The following MED16 variants were observed in gnomAD, a reference collection of about 807,000 sequenced individuals.
MED16 encodes the protein mediator complex subunit 16.
Under a neutral mutation model 84.4 loss-of-function variants are expected in MED16, and 81 were observed. The observed-to-expected ratio is 0.96, with a 90% CI of 0.80 to 1.15. MED16 has a LOEUF of 1.15. Among genes scored for constraint, MED16 ranks in the 50% most tolerant of loss-of-function variants. MED16 has a pLI of 0.00. For missense variants in MED16, 1,585 were observed against 1,245.9 expected, an observed-to-expected ratio of 1.27 and a Z score of -4.10; for synonymous variants, 897 against 552.2, an observed-to-expected ratio of 1.62 and a Z score of -8.76.
intron 11 of MED16, among the ~76,000 whole-genome samples, chr19:872,348 G>A (rs892291950): frequency 1.3e-5 from 2 of 152,022 alleles, no homozygotes; most frequent in Non-Finnish European, 1.5e-5. Flanking sequence ...TCCCATCCCT[G>A]AGAGTCCACA....
At chr19:870,126 G>A (rs2036010566) in intron 13 of MED16, among the ~76,000 whole-genome samples, 1 of 152,190 alleles carries the variant, frequency 6.6e-6, no homozygotes, top group African/African-American at 2.4e-5. Flanking sequence ...CTGCTCAGCA[G>A]GGCCCTGGGC....
At chr19:871,346 A>G in intron 12 of MED16, 93 bp from the exon 13 acceptor site, 1 of 1,394,110 alleles carries the variant, frequency 7.2e-7, no homozygotes, top group Non-Finnish European at 9.6e-7. Flanking sequence ...GTTCAGGAGC[A>G]CCAGGTCAGG....
rs376567444 is a variant in MED16 at position 877,027 on chromosome 19, G to C, written c.1507C>G (p.Leu503Val). Residue 503 changes from leucine (L) to valine (V), a missense_variant, in exon 9 of 16, where the codon CTG (leucine) becomes GTG (valine). Leu to Val is a conservative substitution (Grantham distance 32). Coordinates refer to ENST00000325464, the MANE Select transcript of MED16 (RefSeq NM_005481.3). ...TACTCCTCGTGCAGCTTCTCCACCAGGCTCTGTACCATACTGGGCTGCACG... is the reference window on the plus strand; with the variant it reads ...TACTCCTCGTGCAGCTTCTCCACCACGCTCTGTACCATACTGGGCTGCACG... The part of the protein sequence containing the change: ...LHVQPSMVQS[L>V]VEKLHEEYTR... The C allele has an allele frequency of 1.2e-6, 2 of 1,612,370 alleles. No homozygotes were observed. Among genetic ancestry groups the C allele is most frequent in the African/African-American group, 2.7e-5 (2 of 74,854 alleles).
intron 5 of MED16, 134 bp downstream of exon 5, chr19:885,636 C>G: frequency 9.3e-7 from 1 of 1,078,810 alleles, no homozygotes; most frequent in East Asian, 2.6e-5. Context: ...CCCTGGAGCC[C>G]CCGGGAGGGA....
chr19:888,919 G>C (rs1015765401), intron 4 of MED16, among the ~76,000 whole-genome samples: 55 of 152,144 alleles, frequency 3.6e-4, no homozygotes, highest in African/African-American at 9.7e-5. Flanking sequence ...ACGAAGCTGG[G>C]GTGGCTGTGA....
rs1461067221 is a variant in MED16, at chr19:891,209, T to C, written c.-18-60A>G. ...GGCTGAGCACCCAGGGCATGTGGAG[T>C]GCCAGGCCAGAAGTGGGAAAACAAT... On this transcript the variant is annotated intron_variant, in intron 1 of 15. Transcript: ENST00000325464. 5 of 1,503,216 alleles carry C rather than the reference T, an allele frequency of 3.3e-6. No homozygotes were observed. In the Admixed American group the frequency reaches 5.8e-5, roughly 18 times the overall value. 93.1% of individuals were successfully genotyped at this position (1,503,216 alleles called of 1,614,324 possible).
At chr19:876,849 CCCACCTGGCACGGGA>C (rs1393582660) in intron 9 of MED16, 110 bp downstream of exon 9, 47 of 891,582 alleles carry the variant, frequency 5.3e-5, no homozygotes, top group African/African-American at 3.6e-4. Flanking sequence ...CAGGGACAGC[CCCACCTGGCACGGGA>C]CCACCTGCCA....
At chr19:878,556 AGCCC>A (rs2036324994) in intron 8 of MED16, among the ~76,000 whole-genome samples, 1 of 11,622 alleles carries the variant, frequency 8.6e-5, no homozygotes, top group African/African-American at 3.8e-4. Context: ...AATGCCCACC[AGCCC>A]CAGCCCCAGC....
chr19:885,747 C>A (rs758701379), intron 5 of MED16, 23 bp downstream of exon 5: 3 of 1,596,368 alleles, frequency 1.9e-6, no homozygotes, highest in South Asian at 1.1e-5. Context: ...TGCCAGCCCA[C>A]GTGATGGCCT....
chr19:887,673 A>T (rs780449574), intron 4 of MED16, among the ~76,000 whole-genome samples: 9 of 152,016 alleles, frequency 5.9e-5, no homozygotes, highest in Non-Finnish European at 1.2e-4. Flanking sequence ...CTCAAAAAAA[A>T]TGTATTTGGT....
At chr19:890,920 C>T (rs759713678) in intron 2 of MED16, 43 bp downstream of exon 2, 2 of 1,597,908 alleles carry the variant, frequency 1.3e-6, no homozygotes, top group South Asian at 2.2e-5. Context: ...CAGGGCGGGA[C>T]ACCATGCGGC....
Position 881,709 on chromosome 19 carries a change from C to A in MED16, c.991G>T (p.Asp331Tyr), listed in dbSNP as rs1203646192. 1 of 1,608,278 alleles carries A rather than the reference C, an allele frequency of 6.2e-7. No homozygotes were observed. ...IFQQISPVVG[D>Y]KQPTILKWRI... ...CATTTGAGAATTGTGGGCTGTTTGT[C>A]GCCAACTGAAAAATCAGGGGCAGGA... The change falls in exon 7 of 16, where the codon GAC (aspartate) becomes TAC (tyrosine). Residue 331 changes from aspartate to tyrosine, a missense_variant. By Grantham distance (160) the Asp-to-Tyr change is radical. Coordinates refer to ENST00000325464, the MANE Select transcript of MED16 (RefSeq NM_005481.3).
intron 4 of MED16, among the ~76,000 whole-genome samples, chr19:886,488 G>A (rs2036530665): frequency 1.3e-5 from 2 of 152,232 alleles, no homozygotes; most frequent in African/African-American, 2.4e-5. Context: ...TCTGTAAAGG[G>A]ACAGACAGCA....
At chr19:886,813 C>T (rs2036535907) in intron 4 of MED16, among the ~76,000 whole-genome samples, 2 of 152,202 alleles carry the variant, frequency 1.3e-5, no homozygotes, top group African/African-American at 2.4e-5. Context: ...CGGTGGCTCT[C>T]GCCTATAATC....
chr19:882,871 C>T (rs1174290291), intron 6 of MED16, among the ~76,000 whole-genome samples: 1 of 152,212 alleles, frequency 6.6e-6, no homozygotes, highest in Admixed American at 6.5e-5. Context: ...TGACCTCCTG[C>T]AAACCCGTAT....
chr19:868,925 G>T lies in MED16; in HGVS notation c.2337C>A (p.Ile779=), dbSNP rs139834365. ...GLARAPGQPK[I]DHLRRLHLGA... Reference sequence around the variant, plus strand: ...CAAGGTGCAGCCTCCGCAGGTGGTCGATCTTGGGCTGGCCTGGGGCCCTGG... The same window carrying T: ...CAAGGTGCAGCCTCCGCAGGTGGTCTATCTTGGGCTGGCCTGGGGCCCTGG... The change falls in exon 14 of 16, where the codon ATC becomes ATA. Residue 779 remains isoleucine, a synonymous_variant. Transcript: ENST00000325464. 6.5e-7 allele frequency: 1 copy of T among 1,547,242 alleles called. No homozygotes were observed. Among genetic ancestry groups the T allele is most frequent in the South Asian group, 1.2e-5 (1 of 84,254 alleles).
At chr19:877,277 T>TCTGTGTGCGCGCACGCCCGTGTGTGGGC (rs565834471) in intron 8 of MED16, 97 bp from the exon 9 acceptor site, 4 of 1,196,102 alleles carry the variant, frequency 3.3e-6, no homozygotes, top group Admixed American at 2.1e-5. Context: ...CGTGTGTGGA[T>TCTGTGTGCGCGCACGCCCGTGTGTGGGC]CTGTGTGCGC....
In MED16 at chr19:880,007, G is replaced by A. The variant is rs751728446; in HGVS notation, c.1283C>T (p.Ala428Val). ...TAGCTGCATAGCCTTTAAGTGGACG[G>A]CGGGGCCCGCGGTGCGGGGGCGCTT... ...AMKRPRTAGP[A>V]VHLKAMQLSW... Residue 428 changes from alanine to valine, a missense_variant, in exon 8 of 16, where the codon GCC (alanine) becomes GTC (valine). Physicochemically the swap from Ala to Val is moderately conservative, Grantham distance 64. Transcript: ENST00000325464. The A allele has an allele frequency of 1.2e-5, 20 of 1,609,870 alleles. No homozygotes were observed. The highest frequency in any genetic ancestry group is 2.2e-5 in the East Asian group (1 of 44,840).
chr19:887,769 A>G (rs2036554913), intron 4 of MED16, among the ~76,000 whole-genome samples: 1 of 152,084 alleles, frequency 6.6e-6, no homozygotes. Flanking sequence ...CCAGACACAG[A>G]AGGCTACGCA....
Sources: gnomAD v4.1 joint callset for allele counts (sites outside exome capture counted in the v4.1 genomes callset) on GRCh38, gnomAD v4.1.1 for gene constraint, MANE v1.5 for transcripts, NCBI Gene and HGNC (gene_info 2026-07-23, HGNC 2026-07-21) for gene names.